PCDHGA8: variants seen among roughly 807,000 people sequenced by gnomAD.
PCDHGA8 encodes protocadherin gamma subfamily A, 8.
PCDHGA8 carries 45 observed loss-of-function variants against 59.2 expected under a neutral mutation model. That is an observed-to-expected ratio of 0.76 (90% CI 0.60 to 0.98). PCDHGA8 has a LOEUF of 0.98. PCDHGA8 is among the 50% of genes least tolerant of loss of function. The pLI is 0.00. For synonymous variants in PCDHGA8, 531 were observed against 519.0 expected, an observed-to-expected ratio of 1.02 and a Z score of -0.32; for missense variants, 1,257 against 1,196.2, an observed-to-expected ratio of 1.05 and a Z score of -0.75.
chr5:141,410,045 G>C (rs962300160), intron 1 of PCDHGA8: 1 of 1,613,166 alleles, frequency 6.2e-7, no homozygotes. Context: ...CAGTGAGCCC[G>C]GACTCTTCAG....
chr5:141,437,782 A>C (rs1410096491), intron 1 of PCDHGA8, among the ~76,000 whole-genome samples: 1 of 151,512 alleles, frequency 6.6e-6, no homozygotes, highest in African/African-American at 2.4e-5. Context: ...TCTGTCGCCA[A>C]GCTGGAGTGC....
chr5:141,426,437 C>T (rs914971616), intron 1 of PCDHGA8: 6 of 300,546 alleles, frequency 2.0e-5, no homozygotes, highest in South Asian at 6.4e-5. Flanking sequence ...GGGAACCTTG[C>T]GGAGGACATG....
rs2099883762 is a variant in PCDHGA8, at chr5:141,511,396, C to T, written c.*223C>T. 9.8e-7 allele frequency: 1 copy of T among 1,016,834 alleles called. No homozygotes were observed. Among genetic ancestry groups the T allele is most frequent in the South Asian group, 1.7e-5 (1 of 58,996 alleles). The allele number at this position is 1,016,834 out of a possible 1,614,324, so 63.0% of individuals were successfully genotyped here. ...AAGCAGTTCCGCTGGGAACCCCCAT[C>T]CAATCAACTGCTGTACCCATGGGGG... On this transcript the variant is annotated 3_prime_UTR_variant, in exon 4 of 4. Coordinates refer to ENST00000398604, the MANE Select transcript of PCDHGA8 (RefSeq NM_032088.2).
Position 141,422,925 on chromosome 5 carries a change from T to G in PCDHGA8, c.2424+27688T>G, listed in dbSNP as rs568894245. On this transcript the variant is annotated intron_variant, in intron 1 of 3. Transcript: ENST00000398604. ...ACAATGCGCCCGAGATCCTGTACCC[T>G]GCCCTCCCCACAGACGGCTCCACTG... 1.9e-6 allele frequency: 3 copies of G among 1,614,202 alleles called. No individual in the cohort carries two copies. The Admixed American group carries it at 5.0e-5, about 27-fold the overall frequency.
At chr5:141,497,745 G>C (rs1475395529) in intron 2 of PCDHGA8, among the ~76,000 whole-genome samples, 1 of 152,070 alleles carries the variant, frequency 6.6e-6, no homozygotes, top group Non-Finnish European at 1.5e-5. Flanking sequence ...CGCCACGTTG[G>C]CCAGGCTGGT....
chr5:141,395,179 A>G lies in PCDHGA8; in HGVS notation c.2366A>G (p.Asp789Gly). 6.2e-7 allele frequency: 1 copy of G among 1,614,164 alleles called. No homozygotes were observed. The highest frequency in any genetic ancestry group is 8.5e-7 in the Non-Finnish European group (1 of 1,180,000). ...LISQEGCEKN[D>G]SLLTSVDFHE... Reference sequence around the variant, plus strand: ...AGTCAGGAGGGCTGTGAGAAAAATGATTCTTTGTTAACATCCGTAGATTTT... The same window carrying G: ...AGTCAGGAGGGCTGTGAGAAAAATGGTTCTTTGTTAACATCCGTAGATTTT... The change falls in exon 1 of 4, where the codon GAT (aspartate) becomes GGT (glycine). Residue 789 changes from aspartate to glycine, a missense_variant. By Grantham distance (94) the Asp-to-Gly change is moderately conservative. Coordinates refer to ENST00000398604, the MANE Select transcript of PCDHGA8 (RefSeq NM_032088.2).
At chr5:141,510,850 G>A in intron 3 of PCDHGA8, 97 bp from the exon 4 acceptor site, 4 of 1,599,444 alleles carry the variant, frequency 2.5e-6, no homozygotes, top group South Asian at 1.1e-5. Context: ...AAGGCCCAGG[G>A]TGCTGTATAG....
chr5:141,478,711 T>C, intron 1 of PCDHGA8: 3 of 1,547,346 alleles, frequency 1.9e-6, no homozygotes, highest in Non-Finnish European at 1.7e-6. Flanking sequence ...CTTTGTGAGA[T>C]GGTGGCCTGC....
rs369206085 is a variant in PCDHGA8 at position 141,490,515 on chromosome 5, G to A, written c.2425-4292G>A. On this transcript the variant is annotated intron_variant, in intron 1 of 3. Transcript: ENST00000398604. The surrounding 1 kb of genome is among the most constrained non-coding windows in gnomAD (Gnocchi z 5.4). ...CATCCCACTATATCATCGAGCTGCT[G>A]GCCAGCGATGCTGGTTCACCTTCCC... The A allele has an allele frequency of 2.3e-5, 37 of 1,613,840 alleles. No individual in the cohort carries two copies. In the Middle Eastern group the frequency reaches 1.2e-3, roughly 50 times the overall value.
chr5:141,459,862 C>T (rs931723906), intron 1 of PCDHGA8, among the ~76,000 whole-genome samples: 3 of 152,158 alleles, frequency 2.0e-5, no homozygotes, highest in East Asian at 1.9e-4. Context: ...TTGAAGCATT[C>T]GTTCATCTTT....
In PCDHGA8 at chr5:141,476,524, T is replaced by C. The variant is rs1350353768; in HGVS notation, c.2425-18283T>C. On this transcript the variant is annotated intron_variant, in intron 1 of 3. Coordinates refer to ENST00000398604, the MANE Select transcript of PCDHGA8 (RefSeq NM_032088.2). The surrounding 1 kb of genome is among the most constrained non-coding windows in gnomAD (Gnocchi z 7.6). ...TCAACGACAACAATCCTGCTTTCCC[T>C]ACCCAGGAAATGAAATTGGAGATTA... 6.2e-7 allele frequency: 1 copy of C among 1,614,182 alleles called. No individual in the cohort carries two copies. Among genetic ancestry groups the C allele is most frequent in the Non-Finnish European group, 8.5e-7 (1 of 1,180,028 alleles).
intron 1 of PCDHGA8, chr5:141,395,737 A>T (rs2093305517): frequency 6.5e-6 from 1 of 152,906 alleles, no homozygotes; most frequent in Non-Finnish European, 1.5e-5. Flanking sequence ...TTCACTTTAA[A>T]CCTCTTTTCT....
Position 141,510,868 on chromosome 5 carries a change from T to C in PCDHGA8, c.2573-79T>C, listed in dbSNP as rs2099883142. 40 of 1,608,466 alleles carry C rather than the reference T, an allele frequency of 2.5e-5. No homozygotes were observed. The Middle Eastern group carries it at 4.9e-4, about 20-fold the overall frequency. On this transcript the variant is annotated intron_variant, in intron 3 of 3. Transcript: ENST00000398604. The stretch of plus-strand genomic sequence containing the variant: ...GCCCAGGGTGCTGTATAGGCATTCA[T>C]TAACTGCTGGGGATATAAGACAGTG...
chr5:141,403,553 G>T, intron 1 of PCDHGA8: 6 of 1,613,980 alleles, frequency 3.7e-6, no homozygotes, highest in Non-Finnish European at 5.1e-6. Flanking sequence ...GCGCGCCCTG[G>T]ACAGGGAGGA....
rs759346998 is a variant in PCDHGA8, at chr5:141,410,849, C to CTTTTTTTTTTTTTTTTTTTTTTTTTTTTT, written c.2424+15634_2424+15635insTTTTTTTTTTTTTTTTTTTTTTTTTTTTT. 5.4e-5 allele frequency: 7 copies of CTTTTTTTTTTTTTTTTTTTTTTTTTTTTT among 129,786 alleles called. 2 individuals carry two copies. The highest frequency in any genetic ancestry group is 3.0e-4 in the African/African-American group (5 of 16,598). 8.0% of individuals were successfully genotyped at this position (129,786 alleles called of 1,614,324 possible). A position where few individuals can be genotyped will look rare whatever the true frequency, so the allele number is the denominator to read the frequency against. ...CAGACTGAAGATATTTTGTCTTTGT[C>CTTTTTTTTTTTTTTTTTTTTTTTTTTTTT]TTTTTTTTTTTTTTTTTTTTTTGAG... On this transcript the variant is annotated intron_variant, in intron 1 of 3. Transcript: ENST00000398604.
intron 1 of PCDHGA8, chr5:141,421,412 A>T (rs375885183): frequency 4.3e-6 from 7 of 1,613,962 alleles, no homozygotes; most frequent in Non-Finnish European, 5.9e-6. Context: ...GAGCTGGCGA[A>T]GCGCGGAGTC....
At chr5:141,421,529 C>T in intron 1 of PCDHGA8, 1 of 1,614,020 alleles carries the variant, frequency 6.2e-7, no homozygotes, top group Non-Finnish European at 8.5e-7. Flanking sequence ...GAGACGGTGT[C>T]CTCCTGTTTT....
chr5:141,415,315 G>T (rs201784236), intron 1 of PCDHGA8: 14 of 1,614,208 alleles, frequency 8.7e-6, no homozygotes, highest in African/African-American at 4.0e-5. Context: ...CTTCGTCATC[G>T]TGCTGCTGGC....
chr5:141,491,126 G>A lies in PCDHGA8; in HGVS notation c.2425-3681G>A, dbSNP rs768294944. 1.4e-5 allele frequency: 23 copies of A among 1,613,978 alleles called. No individual in the cohort carries two copies. In the East Asian group the frequency reaches 3.1e-4, roughly 22 times the overall value. On this transcript the variant is annotated intron_variant, in intron 1 of 3. Transcript: ENST00000398604. This position sits in a 1 kb window ranked among gnomAD's most constrained non-coding sequence, Gnocchi z 6.9. ...GTGTCTACACACACTGGTGAGGTGCGCACAGCCCGGGCCTTACTGGAGGAT... is the reference window on the plus strand; with the variant it reads ...GTGTCTACACACACTGGTGAGGTGCACACAGCCCGGGCCTTACTGGAGGAT...
Sources: gnomAD v4.1 joint callset for allele counts (sites outside exome capture counted in the v4.1 genomes callset) on GRCh38, gnomAD v4.1.1 for gene constraint, Gnocchi (gnomAD v3.1) non-coding constraint, MANE v1.5 for transcripts, NCBI Gene and HGNC (gene_info 2026-07-23, HGNC 2026-07-21) for gene names.